KCNH8: variants seen among roughly 807,000 people sequenced by gnomAD.
The protein encoded by KCNH8 is voltage-gated delayed rectifier potassium channel KCNH8.
KCNH8 carries 70 observed loss-of-function variants against 103.6 expected under a neutral mutation model. The ratio of observed to expected loss-of-function variants is 0.68; its 90% CI spans 0.56 to 0.82. The LOEUF is 0.82. Among genes scored for constraint, KCNH8 ranks in the 40% least tolerant of loss-of-function variants. KCNH8 has a pLI of 0.00. For missense variants in KCNH8, 1,217 were observed against 1,329.9 expected, an observed-to-expected ratio of 0.92 and a Z score of 1.32; for synonymous variants, 498 against 489.4, an observed-to-expected ratio of 1.02 and a Z score of -0.23.
At chr3:19,456,194 A>G (rs1004723581) in intron 10 of KCNH8, among the ~76,000 whole-genome samples, 1 of 152,074 alleles carries the variant, frequency 6.6e-6, no homozygotes. Flanking sequence ...TAAGTCCAGT[A>G]CTAACTTGAA....
intron 8 of KCNH8, among the ~76,000 whole-genome samples, chr3:19,441,015 C>T (rs1359897516): frequency 2.0e-5 from 3 of 152,088 alleles, no homozygotes; most frequent in Non-Finnish European, 2.9e-5. Flanking sequence ...ATGGGAGGAA[C>T]CAAGGGAAGA....
intron 3 of KCNH8, among the ~76,000 whole-genome samples, chr3:19,299,336 A>G (rs1231192557): frequency 6.6e-6 from 1 of 152,052 alleles, no homozygotes; most frequent in Non-Finnish European, 1.5e-5. Context: ...GCTCCTCAAA[A>G]TGTCCATTCT....
intron 11 of KCNH8, among the ~76,000 whole-genome samples, chr3:19,479,691 T>C (rs2068049262): frequency 6.6e-6 from 1 of 152,204 alleles, no homozygotes; most frequent in Non-Finnish European, 1.5e-5. Flanking sequence ...AGAGACCTGC[T>C]GATTTGCTGT....
intron 3 of KCNH8, among the ~76,000 whole-genome samples, chr3:19,295,578 C>A (rs1229268257): frequency 2.6e-5 from 4 of 152,046 alleles, no homozygotes; most frequent in Non-Finnish European, 5.9e-5. Context: ...TGTTATGATA[C>A]TGTCATGGAT....
intron 3 of KCNH8, among the ~76,000 whole-genome samples, chr3:19,338,041 G>A (rs950449263): frequency 1.3e-4 from 20 of 151,796 alleles, no homozygotes; most frequent in Admixed American, 3.9e-4. Context: ...TATTCAAGTC[G>A]CTACAAATAT....
intron 1 of KCNH8, among the ~76,000 whole-genome samples, chr3:19,188,876 T>G (rs2063526297): frequency 6.6e-6 from 1 of 152,018 alleles, no homozygotes; most frequent in African/African-American, 2.4e-5. Context: ...ACTCCTGGGT[T>G]CAGGCGATCC....
At chr3:19,212,561 C>G (rs1418531417) in intron 1 of KCNH8, among the ~76,000 whole-genome samples, 2 of 152,196 alleles carry the variant, frequency 1.3e-5, no homozygotes, top group South Asian at 2.1e-4. Context: ...TCACATGTCT[C>G]AAGGCATCTA....
intron 6 of KCNH8, among the ~76,000 whole-genome samples, chr3:19,394,618 T>C (rs1170419803): frequency 1.3e-5 from 2 of 152,074 alleles, no homozygotes; most frequent in Admixed American, 1.3e-4. Context: ...GTTTTATGGG[T>C]CTACCTATTT....
Position 19,431,045 on chromosome 3 carries a change from G to A in KCNH8, c.1178-7119G>A, listed in dbSNP as rs577197781. Among the ~76,000 whole-genome samples the A allele has an allele frequency of 1.5e-3, 232 of 152,266 alleles. 7 individuals carry two copies. The highest frequency in any genetic ancestry group is 1.5e-3 in the Non-Finnish European group (105 of 68,006). On this transcript the variant is annotated intron_variant, in intron 7 of 15. Coordinates refer to ENST00000328405, the MANE Select transcript of KCNH8 (RefSeq NM_144633.3). Reference sequence around the variant, plus strand: ...TGTTGAATAGGAGTGGTGAGAGAGGGCATCCTTGTCTTTTGCAGTTTTCAA... The same window carrying A: ...TGTTGAATAGGAGTGGTGAGAGAGGACATCCTTGTCTTTTGCAGTTTTCAA...
intron 3 of KCNH8, among the ~76,000 whole-genome samples, chr3:19,301,246 G>A (rs948750151): frequency 2.0e-5 from 3 of 150,812 alleles, no homozygotes; most frequent in African/African-American, 4.9e-5. Context: ...ATATCAGGTT[G>A]CAATTAAAAA....
At chr3:19,275,097 CAG>C (rs1207706286) in intron 2 of KCNH8, among the ~76,000 whole-genome samples, 1 of 151,268 alleles carries the variant, frequency 6.6e-6, no homozygotes, top group Non-Finnish European at 1.5e-5. Context: ...CTGGAGTTGA[CAG>C]AATCCTACTA....
chr3:19,446,740 A>T (rs115760101), intron 8 of KCNH8, among the ~76,000 whole-genome samples: 1,796 of 151,980 alleles, frequency 0.012, 15 homozygotes, highest in Non-Finnish European at 0.019. Flanking sequence ...ATGATGTTAT[A>T]CTCCAGGAGA....
chr3:19,434,154 C>T (rs538184047), intron 7 of KCNH8, among the ~76,000 whole-genome samples: 42 of 152,092 alleles, frequency 2.8e-4, no homozygotes, highest in Middle Eastern at 3.4e-3. Flanking sequence ...GTTTTTAAAG[C>T]AAAACAACAA....
At chr3:19,453,056 G>A (rs1343567115) in intron 10 of KCNH8, among the ~76,000 whole-genome samples, 2 of 152,104 alleles carry the variant, frequency 1.3e-5, no homozygotes, top group Non-Finnish European at 2.9e-5. Flanking sequence ...GCAGCAATAT[G>A]GATTGAACTG....
At chr3:19,318,424 C>A (rs1575522991) in intron 3 of KCNH8, among the ~76,000 whole-genome samples, 1 of 151,578 alleles carries the variant, frequency 6.6e-6, no homozygotes, top group African/African-American at 2.4e-5. Flanking sequence ...TATCCTTCAC[C>A]CCCACACCCT....
In KCNH8 at chr3:19,533,481, G is replaced by A. The variant is rs2069203905; in HGVS notation, c.2706G>A (p.Gln902=). Residue 902 remains glutamine, a synonymous_variant, in exon 16 of 16, where the codon CAG becomes CAA. Coordinates refer to ENST00000328405, the MANE Select transcript of KCNH8 (RefSeq NM_144633.3). Reference sequence around the variant, plus strand: ...TTCTGGAAAACGTTCTGTCACCTCAGCAGCCATCACGGTTTTGCTCTTTGC... The same window carrying A: ...TTCTGGAAAACGTTCTGTCACCTCAACAGCCATCACGGTTTTGCTCTTTGC... ...IQLLENVLSP[Q]QPSRFCSLHS... 2.5e-6 allele frequency: 4 copies of A among 1,614,060 alleles called. No homozygotes were observed. Among genetic ancestry groups the A allele is most frequent in the Admixed American group, 3.3e-5 (2 of 60,008 alleles).
intron 3 of KCNH8, among the ~76,000 whole-genome samples, chr3:19,305,326 T>C (rs2065116383): frequency 6.6e-6 from 1 of 152,164 alleles, no homozygotes; most frequent in Non-Finnish European, 1.5e-5. Context: ...TTCCCTTTCA[T>C]GTACCTTGTA....
intron 11 of KCNH8, among the ~76,000 whole-genome samples, chr3:19,494,533 G>C (rs1201050584): frequency 6.6e-6 from 1 of 152,092 alleles, no homozygotes; most frequent in Non-Finnish European, 1.5e-5. Flanking sequence ...TCTTTCTTTT[G>C]TAAATTGCCT....
At chr3:19,315,958 G>T (rs1295264458) in intron 3 of KCNH8, among the ~76,000 whole-genome samples, 1 of 151,906 alleles carries the variant, frequency 6.6e-6, no homozygotes, top group East Asian at 1.9e-4. Flanking sequence ...GGAGAAAGAT[G>T]AATCAATTGA....
Sources: gnomAD v4.1 joint callset for allele counts (sites outside exome capture counted in the v4.1 genomes callset) on GRCh38, gnomAD v4.1.1 for gene constraint, MANE v1.5 for transcripts, NCBI Gene and HGNC (gene_info 2026-07-23, HGNC 2026-07-21) for gene names.